The following DIAPH3 variants were observed in gnomAD, a reference collection of about 807,000 sequenced individuals.
DIAPH3 encodes diaphanous related formin 3.
DIAPH3 carries 117 observed loss-of-function variants against 144.3 expected under a neutral mutation model. The observed-to-expected ratio is 0.81, with a 90% CI of 0.70 to 0.95. The LOEUF is 0.95. Ranked by LOEUF, DIAPH3 falls within the 40% of genes least tolerant of loss-of-function variation. DIAPH3 has a pLI of 0.00. For missense variants in DIAPH3, 1,421 were observed against 1,412.7 expected, an observed-to-expected ratio of 1.01 and a Z score of -0.09; for synonymous variants, 519 against 488.9, an observed-to-expected ratio of 1.06 and a Z score of -0.81.
chr13:59,966,391 A>G (rs977726546), intron 17 of DIAPH3, among the ~76,000 whole-genome samples: 57 of 152,292 alleles, frequency 3.7e-4, no homozygotes, highest in African/African-American at 1.3e-3. Context: ...ACAAGAAGCC[A>G]GAATTGTTTT....
intron 27 of DIAPH3, among the ~76,000 whole-genome samples, chr13:59,713,040 G>A (rs1442088950): frequency 6.6e-6 from 1 of 152,164 alleles, no homozygotes; most frequent in Non-Finnish European, 1.5e-5. Context: ...ACAGGAGGCG[G>A]AGCTCAGTGG....
chr13:59,935,963 C>T (rs1326159847), intron 17 of DIAPH3, among the ~76,000 whole-genome samples: 1 of 152,198 alleles, frequency 6.6e-6, no homozygotes, highest in East Asian at 1.9e-4. Context: ...CAGATAAATG[C>T]GTATTTCTCT....
chr13:59,782,089 C>A (rs1442764676), intron 25 of DIAPH3, among the ~76,000 whole-genome samples: 1 of 150,916 alleles, frequency 6.6e-6, no homozygotes, highest in Non-Finnish European at 1.5e-5. Context: ...GTTATAGCAG[C>A]AGGAAAAAAC....
At chr13:59,683,625 G>T (rs1485794679) in intron 27 of DIAPH3, among the ~76,000 whole-genome samples, 1 of 152,088 alleles carries the variant, frequency 6.6e-6, no homozygotes, top group Non-Finnish European at 1.5e-5. Context: ...GTTTATAAAG[G>T]GTGCATTGGG....
At chr13:59,914,665 G>A (rs555945478) in intron 19 of DIAPH3, among the ~76,000 whole-genome samples, 1 of 152,266 alleles carries the variant, frequency 6.6e-6, no homozygotes, top group South Asian at 2.1e-4. Flanking sequence ...ATGAGACAAA[G>A]GAATTGAGGA....
intron 27 of DIAPH3, among the ~76,000 whole-genome samples, chr13:59,773,861 T>A (rs558833855): frequency 1.1e-4 from 16 of 152,284 alleles, no homozygotes; most frequent in Middle Eastern, 3.4e-3. Flanking sequence ...TCTTGACATA[T>A]AGTAAGTCCA....
intron 22 of DIAPH3, among the ~76,000 whole-genome samples, chr13:59,851,699 C>T (rs1593678832): frequency 2.8e-5 from 4 of 143,220 alleles, no homozygotes; most frequent in African/African-American, 7.9e-5. Flanking sequence ...AGCGCAATGG[C>T]GCAACCTCCG....
chr13:59,825,413 C>T (rs1173732498), intron 24 of DIAPH3, among the ~76,000 whole-genome samples: 1 of 152,134 alleles, frequency 6.6e-6, no homozygotes, highest in African/African-American at 2.4e-5. Context: ...ATATGTGCCA[C>T]ATTTTCTTAA....
chr13:59,684,794 T>C (rs2138653796), intron 27 of DIAPH3, among the ~76,000 whole-genome samples: 1 of 152,290 alleles, frequency 6.6e-6, no homozygotes, highest in Non-Finnish European at 1.5e-5. Context: ...AAGAAAGAAC[T>C]TTCATTTCTA....
rs959882453 is a variant in DIAPH3, at chr13:59,666,731, A to G, written c.3435T>C (p.Ser1145=). 1.9e-6 allele frequency: 3 copies of G among 1,614,026 alleles called. No homozygotes were observed. Among genetic ancestry groups the G allele is most frequent in the Admixed American group, 3.3e-5 (2 of 60,000 alleles). Residue 1145 remains serine (S), a synonymous_variant, in exon 28 of 28, where the codon TCT becomes TCC. Transcript: ENST00000400324. Reference sequence around the variant, plus strand: ...TCTCAGCTGCCTTGATCCTCCCAGTAGACGTATGAGTGTCTAGATTATAAT... The same window carrying G: ...TCTCAGCTGCCTTGATCCTCCCAGTGGACGTATGAGTGTCTAGATTATAAT... ...ELNYNLDTHT[S]TGRIKAAEKK... is the part of the protein sequence containing the mutation.
chr13:59,925,309 C>A (rs1236096518), intron 17 of DIAPH3, among the ~76,000 whole-genome samples: 3 of 152,158 alleles, frequency 2.0e-5, no homozygotes, highest in Admixed American at 2.0e-4. Context: ...ATATACAATA[C>A]CATTCTTATT....
intron 22 of DIAPH3, among the ~76,000 whole-genome samples, chr13:59,841,098 C>T (rs1428756035): frequency 6.6e-6 from 1 of 152,090 alleles, no homozygotes; most frequent in Non-Finnish European, 1.5e-5. Flanking sequence ...ATTTACTCTT[C>T]CCGTTTCCAA....
intron 3 of DIAPH3, among the ~76,000 whole-genome samples, chr13:60,100,502 G>A (rs997789491): frequency 1.3e-5 from 2 of 152,108 alleles, no homozygotes; most frequent in African/African-American, 2.4e-5. Flanking sequence ...GGGAAAGCTG[G>A]CAAAATCTGA....
intron 24 of DIAPH3, among the ~76,000 whole-genome samples, chr13:59,829,250 A>G (rs2041641252): frequency 6.6e-6 from 1 of 152,004 alleles, no homozygotes; most frequent in Admixed American, 6.6e-5. Context: ...TAGATCAATT[A>G]TTTACAAACC....
At chr13:60,159,489 G>A (rs1952186526) in intron 1 of DIAPH3, among the ~76,000 whole-genome samples, 1 of 152,074 alleles carries the variant, frequency 6.6e-6, no homozygotes, top group Non-Finnish European at 1.5e-5. Flanking sequence ...GCCGGGCGTA[G>A]TGACACGTGC....
At chr13:59,864,871 A>G (rs942913591) in intron 21 of DIAPH3, among the ~76,000 whole-genome samples, 1 of 152,038 alleles carries the variant, frequency 6.6e-6, no homozygotes, top group Non-Finnish European at 1.5e-5. Context: ...TGAATAGTAA[A>G]GGGAAGCACA....
intron 17 of DIAPH3, among the ~76,000 whole-genome samples, chr13:59,950,156 G>T (rs144141999): frequency 2.0e-5 from 3 of 151,880 alleles, no homozygotes; most frequent in Non-Finnish European, 4.4e-5. Context: ...ATTTATAAAC[G>T]TGACAGAAGA....
At chr13:59,721,204 C>T (rs1317951943) in intron 27 of DIAPH3, among the ~76,000 whole-genome samples, 1 of 152,038 alleles carries the variant, frequency 6.6e-6, no homozygotes, top group African/African-American at 2.4e-5. Context: ...GGATTGTTAA[C>T]AATTATAACC....
chr13:59,971,119 G>A lies in DIAPH3; in HGVS notation c.1692C>T (p.Pro564=), dbSNP rs1350624579. 6.2e-7 allele frequency: 1 copy of A among 1,602,186 alleles called. No homozygotes were observed. Among genetic ancestry groups the A allele is most frequent in the Non-Finnish European group, 8.5e-7 (1 of 1,173,662 alleles). ...LPADCNIPLP[P]SKEGGTGHSA... ...AGTGGCCAGTTCCACCTTCTTTAGA[G>A]GGAGGCAAAGGAATATTACAATCAG... is the stretch of plus-strand genomic sequence containing the variant. Residue 564 remains proline (P), a synonymous_variant, in exon 16 of 28, where the codon CCC becomes CCT. Coordinates refer to ENST00000400324, the MANE Select transcript of DIAPH3 (RefSeq NM_001042517.2).
Sources: gnomAD v4.1 joint callset for allele counts (sites outside exome capture counted in the v4.1 genomes callset) on GRCh38, gnomAD v4.1.1 for gene constraint, MANE v1.5 for transcripts, NCBI Gene and HGNC (gene_info 2026-07-23, HGNC 2026-07-21) for gene names.